The following CNTNAP2 variants were observed in gnomAD, a reference collection of about 807,000 sequenced individuals.
CNTNAP2 encodes the protein contactin associated protein 2.
In CNTNAP2, 98 loss-of-function variants were observed where a neutral mutation model predicts 155.2. That is an observed-to-expected ratio of 0.63 (90% CI 0.54 to 0.75). CNTNAP2 has a LOEUF of 0.75. Among genes scored for constraint, CNTNAP2 ranks in the 30% least tolerant of loss-of-function variants. The pLI, the probability that CNTNAP2 is intolerant of heterozygous loss-of-function variation, is 0.00. For synonymous variants in CNTNAP2, 651 were observed against 631.2 expected, an observed-to-expected ratio of 1.03 and a Z score of -0.47; for missense variants, 1,727 against 1,688.1, an observed-to-expected ratio of 1.02 and a Z score of -0.40.
intron 9 of CNTNAP2, among the ~76,000 whole-genome samples, chr7:147,377,050 T>G (rs1312448282): frequency 6.6e-6 from 1 of 151,992 alleles, no homozygotes; most frequent in African/African-American, 2.4e-5. Flanking sequence ...AAATCAATAG[T>G]TCTGTCTTTT....
At chr7:146,630,022 T>A (rs1799484783) in intron 1 of CNTNAP2, among the ~76,000 whole-genome samples, 1 of 152,020 alleles carries the variant, frequency 6.6e-6, no homozygotes. Context: ...GGGGTACATG[T>A]GCAGAATGTG....
intron 1 of CNTNAP2, among the ~76,000 whole-genome samples, chr7:146,552,205 C>T (rs1198497632): frequency 2.0e-5 from 3 of 152,074 alleles, no homozygotes; most frequent in Non-Finnish European, 4.4e-5. Flanking sequence ...TTTCTTCCCA[C>T]ACGTCAGAAA....
chr7:146,943,379 C>T (rs1797094890), intron 3 of CNTNAP2, among the ~76,000 whole-genome samples: 1 of 152,098 alleles, frequency 6.6e-6, no homozygotes. Context: ...GGAATCCTAG[C>T]TACTAGGCAG....
intron 22 of CNTNAP2, among the ~76,000 whole-genome samples, chr7:148,396,256 G>A (rs1437890074): frequency 1.3e-5 from 2 of 152,126 alleles, no homozygotes; most frequent in African/African-American, 4.8e-5. Flanking sequence ...GAAAAGGGAG[G>A]CGAGTTGAGC....
In CNTNAP2 at chr7:147,720,055, G is replaced by A. The variant is rs532199272; in HGVS notation, c.2098+80749G>A. ...TCTTCACTCATATTCTTCTCTTTCT[G>A]TTTTTTTCTTATACTCAATGACTAT... On this transcript the variant is annotated intron_variant, in intron 13 of 23. Coordinates refer to ENST00000361727, the MANE Select transcript of CNTNAP2 (RefSeq NM_014141.6). Among the ~76,000 whole-genome samples, 104 of 151,972 alleles carry A rather than the reference G, an allele frequency of 6.8e-4. 1 individual carries two copies. The highest frequency in any genetic ancestry group is 2.5e-3 in the African/African-American group (103 of 41,494).
chr7:148,307,991 AACACT>A (rs1797519531), intron 21 of CNTNAP2, among the ~76,000 whole-genome samples: 1 of 152,096 alleles, frequency 6.6e-6, no homozygotes, highest in Non-Finnish European at 1.5e-5. Context: ...GAATATACTA[AACACT>A]CATTTCACAA....
At chr7:147,105,836 T>A (rs935355944) in intron 4 of CNTNAP2, among the ~76,000 whole-genome samples, 1 of 152,048 alleles carries the variant, frequency 6.6e-6, no homozygotes, top group African/African-American at 2.4e-5. Flanking sequence ...GAGAATTTTG[T>A]TTCCCAGCTG....
At chr7:148,331,751 C>T (rs77404955) in intron 21 of CNTNAP2, among the ~76,000 whole-genome samples, 15,316 of 19,808 alleles carry the variant, frequency 0.77, 5,809 homozygotes, top group South Asian at 0.86. Flanking sequence ...ATGGATGGAA[C>T]GGACGGATGG....
At chr7:146,418,387 T>A (rs896577071) in intron 1 of CNTNAP2, among the ~76,000 whole-genome samples, 6 of 152,190 alleles carry the variant, frequency 3.9e-5, no homozygotes, top group African/African-American at 4.8e-5. Context: ...AAATGATTAA[T>A]ATTTTTAAAT....
intron 1 of CNTNAP2, among the ~76,000 whole-genome samples, chr7:146,621,583 T>C (rs1281202982): frequency 6.6e-6 from 1 of 152,172 alleles, no homozygotes; most frequent in African/African-American, 2.4e-5. Flanking sequence ...TGACCTAATG[T>C]TTTTCTCATG....
intron 1 of CNTNAP2, among the ~76,000 whole-genome samples, chr7:146,423,980 A>G (rs1796051099): frequency 6.6e-6 from 1 of 152,152 alleles, no homozygotes; most frequent in African/African-American, 2.4e-5. Flanking sequence ...CTCCTCAGTT[A>G]ATTCTTTTGA....
chr7:148,019,780 G>A (rs1802247112), intron 15 of CNTNAP2, among the ~76,000 whole-genome samples: 1 of 151,048 alleles, frequency 6.6e-6, no homozygotes, highest in African/African-American at 2.4e-5. Context: ...TTTTTGGGGG[G>A]AGGGGTGTGA....
At chr7:146,822,111 G>A (rs555593449) in intron 2 of CNTNAP2, among the ~76,000 whole-genome samples, 105 of 152,156 alleles carry the variant, frequency 6.9e-4, no homozygotes, top group African/African-American at 2.5e-3. Context: ...AGAAAATGTG[G>A]CACATATACA....
At chr7:146,315,792 G>C (rs1055765645) in intron 1 of CNTNAP2, among the ~76,000 whole-genome samples, 2 of 152,140 alleles carry the variant, frequency 1.3e-5, no homozygotes, top group East Asian at 3.9e-4. Context: ...TACAGCTATA[G>C]CTTCTTGTGG....
intron 1 of CNTNAP2, among the ~76,000 whole-genome samples, chr7:146,300,258 C>T (rs528352923): frequency 1.3e-5 from 2 of 152,302 alleles, no homozygotes; most frequent in Admixed American, 6.5e-5. Flanking sequence ...AGAAGCATCA[C>T]ATTTAGTCCA....
At chr7:147,917,724 G>A (rs1303826315) in intron 14 of CNTNAP2, among the ~76,000 whole-genome samples, 1 of 152,102 alleles carries the variant, frequency 6.6e-6, no homozygotes, top group Non-Finnish European at 1.5e-5. Flanking sequence ...AGCATTAAGG[G>A]GCAACTAAGA....
chr7:148,078,725 C>G (rs920543539), intron 15 of CNTNAP2, among the ~76,000 whole-genome samples: 1 of 152,214 alleles, frequency 6.6e-6, no homozygotes, highest in African/African-American at 2.4e-5. Context: ...AGATGATCCA[C>G]CAGCCTCGGC....
intron 15 of CNTNAP2, among the ~76,000 whole-genome samples, chr7:148,001,726 C>A (rs990575178): frequency 1.3e-5 from 2 of 152,162 alleles, no homozygotes. Context: ...ATGAAGCCAT[C>A]TAGCTAGGTA....
chr7:147,737,332 A>T (rs1243641277), intron 13 of CNTNAP2, among the ~76,000 whole-genome samples: 2 of 152,146 alleles, frequency 1.3e-5, no homozygotes, highest in Non-Finnish European at 2.9e-5. Context: ...AGGCTGCAGA[A>T]CAGTGAATAT....
Sources: gnomAD v4.1 joint callset for allele counts (sites outside exome capture counted in the v4.1 genomes callset) on GRCh38, gnomAD v4.1.1 for gene constraint, MANE v1.5 for transcripts, NCBI Gene and HGNC (gene_info 2026-07-23, HGNC 2026-07-21) for gene names.